The following ENPEP variants were observed in gnomAD, a reference collection of about 807,000 sequenced individuals.
The protein encoded by ENPEP is AP-A.
In ENPEP, 103 loss-of-function variants were observed where a neutral mutation model predicts 114.5. The ratio of observed to expected loss-of-function variants is 0.90; its 90% CI spans 0.77 to 1.06. The LOEUF (loss-of-function observed/expected upper bound fraction) is 1.06. Among genes scored for constraint, ENPEP ranks in the 50% least tolerant of loss-of-function variants. The pLI, the probability that ENPEP is intolerant of heterozygous loss-of-function variation, is 0.00. For missense variants in ENPEP, 1,196 were observed against 1,161.3 expected (o/e 1.03, Z -0.43); for synonymous variants, 420 against 422.0 (o/e 1.00, Z 0.06).
chr4:110,488,643 T>C lies in ENPEP; in HGVS notation c.747T>C (p.His249=). ...KKATYTISIT[H]PKEYGALSNM... ...CAACTTATACAATATCTATCACCCA[T>C]CCCAAAGAATACGGAGCACTTTCAA... The change falls in exon 2 of 20, where the codon CAT becomes CAC. Residue 249 remains histidine, a synonymous_variant. Transcript: ENST00000265162. 6.2e-7 allele frequency: 1 copy of C among 1,613,204 alleles called. No individual in the cohort carries two copies. Among genetic ancestry groups the C allele is most frequent in the Non-Finnish European group, 8.5e-7 (1 of 1,179,784 alleles).
At chr4:110,501,447 CA>C (rs1449497378) in intron 3 of ENPEP, among the ~76,000 whole-genome samples, 1 of 152,182 alleles carries the variant, frequency 6.6e-6, no homozygotes, top group African/African-American at 2.4e-5. Context: ...TCTCTACTTT[CA>C]AGTAGGCCTT....
intron 3 of ENPEP, among the ~76,000 whole-genome samples, chr4:110,503,823 C>T (rs559684437): frequency 6.6e-6 from 1 of 152,310 alleles, no homozygotes; most frequent in South Asian, 2.1e-4. Flanking sequence ...CTTTGTTTCT[C>T]AGGGGCGTTA....
At chr4:110,519,895 G>T (rs1011220507) in intron 8 of ENPEP, 113 bp from the exon 9 acceptor site, 37 of 798,346 alleles carry the variant, frequency 4.6e-5, no homozygotes, top group Middle Eastern at 7.3e-4. Flanking sequence ...GTTATCTATG[G>T]CTGGTTTTGC....
In ENPEP at chr4:110,564,973, C is replaced by T. The variant is rs982296526; in HGVS notation, c.*3415C>T. On this transcript the variant is annotated 3_prime_UTR_variant, in exon 20 of 20. Transcript: ENST00000265162. ...ACATGTGCTGTAAATGAGAAATACC[C>T]CTTTGTTATTGTAAATCACTGAGAT... 1 of 152,134 alleles carries T rather than the reference C, an allele frequency of 6.6e-6. No homozygotes were observed. Among genetic ancestry groups the T allele is most frequent in the African/African-American group, 2.4e-5 (1 of 41,428 alleles). The allele number at this position is 152,134 out of a possible 1,614,324, so 9.4% of individuals were successfully genotyped here.
chr4:110,501,030 G>A (rs1454706908), intron 3 of ENPEP, among the ~76,000 whole-genome samples: 2 of 152,264 alleles, frequency 1.3e-5, no homozygotes, highest in East Asian at 3.9e-4. Context: ...ATGTTCTGTT[G>A]TTACACGGAT....
Position 110,520,275 on chromosome 4 carries a change from G to T in ENPEP, c.1636G>T (p.Val546Leu). Residue 546 changes from valine (V) to leucine (L), a missense_variant, in exon 10 of 20, where the codon GTG (valine) becomes TTG (leucine). Physicochemically the swap from Val to Leu is conservative, Grantham distance 32. Coordinates refer to ENST00000265162, the MANE Select transcript of ENPEP (RefSeq NM_001977.4). ...DTWTRQMGYP[V>L]LNVNGVKNIT... ...CTGGACCAGACAGATGGGTTATCCT[G>T]TGCTTAACGTGAACGGTGTCAAGAA... 1 of 1,614,090 alleles carries T rather than the reference G, an allele frequency of 6.2e-7. No individual in the cohort carries two copies. The highest frequency in any genetic ancestry group is 8.5e-7 in the Non-Finnish European group (1 of 1,179,954).
rs565206361 is a variant in ENPEP at position 110,563,485 on chromosome 4, G to A, written c.*1927G>A. On this transcript the variant is annotated 3_prime_UTR_variant, in exon 20 of 20. Transcript: ENST00000265162. The stretch of plus-strand genomic sequence containing the variant: ...CAGAATAAGTCTTCTAGACCATCAG[G>A]TCCTTCTCAAACAACACCTGTTTTT... The A allele has an allele frequency of 2.0e-5, 3 of 152,146 alleles. No homozygotes were observed. In the East Asian group the frequency reaches 5.8e-4, roughly 29 times the overall value. The allele number at this position is 152,146 out of a possible 1,614,324, so 9.4% of individuals were successfully genotyped here. A position where few individuals can be genotyped will look rare whatever the true frequency, so the allele number is the denominator to read the frequency against.
chr4:110,500,699 T>C (rs549629402), intron 3 of ENPEP, among the ~76,000 whole-genome samples: 1 of 152,302 alleles, frequency 6.6e-6, no homozygotes, highest in South Asian at 2.1e-4. Flanking sequence ...TCACTCCATG[T>C]TATTTCAGTA....
Position 110,561,582 on chromosome 4 carries a change from T to C in ENPEP, c.*24T>C. ...AATGTATTCAAATGTTAGAGTTTAA[T>C]TTTGTGAATCTATTGTTTCTCCTCT... On this transcript the variant is annotated 3_prime_UTR_variant, in exon 20 of 20. Transcript: ENST00000265162. 4 of 1,598,990 alleles carry C rather than the reference T, an allele frequency of 2.5e-6. No individual in the cohort carries two copies. The highest frequency in any genetic ancestry group is 3.4e-6 in the Non-Finnish European group (4 of 1,174,036).
In ENPEP at chr4:110,476,744, G is replaced by A; in HGVS notation, c.330G>A (p.Leu110=). The stretch of plus-strand genomic sequence containing the variant: ...ACGACCTGCACGTGAAGCCCCTGTT[G>A]GAGGAGGACACCTACACGGGCACCG... ...VHYDLHVKPL[L]EEDTYTGTVS... Residue 110 remains leucine, a synonymous_variant, in exon 1 of 20, where the codon TTG becomes TTA. Coordinates refer to ENST00000265162, the MANE Select transcript of ENPEP (RefSeq NM_001977.4). 6.2e-7 allele frequency: 1 copy of A among 1,614,172 alleles called. No homozygotes were observed. Among genetic ancestry groups the A allele is most frequent in the East Asian group, 2.2e-5 (1 of 44,870 alleles).
chr4:110,525,277 G>A (rs768602741), intron 10 of ENPEP, among the ~76,000 whole-genome samples: 22 of 152,128 alleles, frequency 1.4e-4, no homozygotes, highest in Admixed American at 7.2e-4. Context: ...CTCCAGTCCC[G>A]GGCCTGGCCC....
At chr4:110,561,353 A>G in intron 19 of ENPEP, 53 bp from the exon 20 acceptor site, 1 of 1,575,580 alleles carries the variant, frequency 6.3e-7, no homozygotes, top group South Asian at 1.1e-5. Context: ...GAAATTCTTG[A>G]AGACTAATTT....
At chr4:110,539,895 GTAACAT>G (rs1202717356) in intron 11 of ENPEP, among the ~76,000 whole-genome samples, 2 of 152,002 alleles carry the variant, frequency 1.3e-5, no homozygotes, top group Non-Finnish European at 2.9e-5. Context: ...ATAATAGATA[GTAACAT>G]TAAAGAACTG....
At chr4:110,523,116 G>A (rs1000506415) in intron 10 of ENPEP, among the ~76,000 whole-genome samples, 4 of 152,258 alleles carry the variant, frequency 2.6e-5, no homozygotes, top group Admixed American at 6.5e-5. Context: ...TGGGTAGTGC[G>A]GTTGGGAAGA....
chr4:110,546,006 C>G (rs1187748992), intron 13 of ENPEP, among the ~76,000 whole-genome samples: 2 of 152,040 alleles, frequency 1.3e-5, no homozygotes, highest in Non-Finnish European at 2.9e-5. Context: ...AGTGGTCCCA[C>G]TGAAACCTCT....
At chr4:110,548,413 G>A in intron 14 of ENPEP, 87 bp downstream of exon 14, 1 of 1,169,542 alleles carries the variant, frequency 8.6e-7, no homozygotes, top group Non-Finnish European at 1.1e-6. Flanking sequence ...AGCTCTTGGG[G>A]ACCTAAACCA....
intron 11 of ENPEP, among the ~76,000 whole-genome samples, chr4:110,540,879 G>T (rs912867318): frequency 6.6e-6 from 1 of 152,128 alleles, no homozygotes; most frequent in Non-Finnish European, 1.5e-5. Context: ...CCCTGTGAGG[G>T]ATTTTTGTCC....
In ENPEP at chr4:110,506,675, C is replaced by T. The variant is rs765834461; in HGVS notation, c.957C>T (p.Ala319=). The change falls in exon 4 of 20, where the codon GCC becomes GCT. Residue 319 remains alanine (A), a synonymous_variant. Coordinates refer to ENST00000265162, the MANE Select transcript of ENPEP (RefSeq NM_001977.4). ...TCCAGCCAGAGCAAAAGCACACAGCCGAATATGCTGCAAACATAACTAAAA... is the reference window on the plus strand; with the variant it reads ...TCCAGCCAGAGCAAAAGCACACAGCTGAATATGCTGCAAACATAACTAAAA... ...IYVQPEQKHT[A]EYAANITKSV... The T allele has an allele frequency of 3.9e-5, 63 of 1,611,952 alleles. No individual in the cohort carries two copies. The highest frequency in any genetic ancestry group is 1.0e-4 in the Admixed American group (6 of 59,880).
intron 3 of ENPEP, among the ~76,000 whole-genome samples, chr4:110,499,099 G>T (rs1344481928): frequency 1.3e-5 from 2 of 152,018 alleles, no homozygotes; most frequent in Non-Finnish European, 2.9e-5. Context: ...TTTTTCCCCT[G>T]CATTTTTCAA....
Sources: gnomAD v4.1 joint callset for allele counts (sites outside exome capture counted in the v4.1 genomes callset) on GRCh38, gnomAD v4.1.1 for gene constraint, MANE v1.5 for transcripts, NCBI Gene and HGNC (gene_info 2026-07-23, HGNC 2026-07-21) for gene names.